The following PRKAR1B variants were observed in gnomAD, a reference collection of about 807,000 sequenced individuals.
PRKAR1B encodes the protein protein kinase cAMP-dependent type I regulatory subunit beta.
A neutral mutation model predicts 46.5 loss-of-function variants in PRKAR1B; 22 were observed. The observed-to-expected ratio is 0.47, with a 90% CI of 0.34 to 0.68. The LOEUF (loss-of-function observed/expected upper bound fraction) is 0.68. PRKAR1B is among the 30% of genes least tolerant of loss of function. The pLI is 0.01. For synonymous variants in PRKAR1B, 259 were observed against 217.7 expected, an observed-to-expected ratio of 1.19 and a Z score of -1.67; for missense variants, 445 against 535.6, an observed-to-expected ratio of 0.83 and a Z score of 1.67.
At chr7:626,246 C>T (rs1053731631) in intron 4 of PRKAR1B, among the ~76,000 whole-genome samples, 1 of 152,242 alleles carries the variant, frequency 6.6e-6, no homozygotes, top group South Asian at 2.1e-4. Flanking sequence ...AATCCCAGCA[C>T]TTTTAGAGGC....
chr7:718,119 C>T (rs1056347744), intron 1 of PRKAR1B, among the ~76,000 whole-genome samples: 1 of 151,982 alleles, frequency 6.6e-6, no homozygotes, highest in African/African-American at 2.4e-5. Flanking sequence ...GGAACGGTCC[C>T]TTCCTCAGTC....
intron 4 of PRKAR1B, among the ~76,000 whole-genome samples, chr7:608,634 GCCTCC>G: frequency 1.9e-5 from 1 of 52,270 alleles, no homozygotes; most frequent in African/African-American, 5.6e-5. Flanking sequence ...GGGCTGGGGG[GCCTCC>G]ACTGTCCTCC....
intron 1 of PRKAR1B, among the ~76,000 whole-genome samples, chr7:724,609 C>T (rs976736085): frequency 6.6e-6 from 1 of 152,198 alleles, no homozygotes; most frequent in African/African-American, 2.4e-5. Context: ...TGGACTAATA[C>T]ACTGTGTTTA....
intron 9 of PRKAR1B, among the ~76,000 whole-genome samples, chr7:559,636 C>T (rs1778663452): frequency 6.6e-6 from 1 of 152,180 alleles, no homozygotes; most frequent in African/African-American, 2.4e-5. Flanking sequence ...CCCATCTCTT[C>T]CTATGCGGGA....
chr7:672,157 GT>G lies in PRKAR1B; in HGVS notation c.440+5071del, dbSNP rs796922729. 2.2e-3 allele frequency among the ~76,000 whole-genome samples: 327 copies of G among 146,176 alleles called. 2 individuals carry two copies. Among genetic ancestry groups the G allele is most frequent in the African/African-American group, 7.5e-3 (301 of 40,118 alleles). On this transcript the variant is annotated intron_variant, in intron 4 of 10. Transcript: ENST00000537384. ...TCTTAAATTCTGTGGAACCGAATTTGTTTTTTTTTTTAAGATGGAGTCTCGC... is the reference window on the plus strand; with the variant it reads ...TCTTAAATTCTGTGGAACCGAATTTGTTTTTTTTTTAAGATGGAGTCTCGC...
At chr7:634,244 G>A (rs1018978732) in intron 4 of PRKAR1B, among the ~76,000 whole-genome samples, 8 of 151,792 alleles carry the variant, frequency 5.3e-5, no homozygotes, top group South Asian at 2.1e-4. Context: ...GGCTGGTCTC[G>A]AACTCCTGAC....
chr7:588,699 ATGGTGATGG>A (rs1780771367), intron 7 of PRKAR1B, among the ~76,000 whole-genome samples: 1 of 3,090 alleles, frequency 3.2e-4, no homozygotes, highest in African/African-American at 1.1e-3. Context: ...GATGGTGGTG[ATGGTGATGG>A]TGATGGTGGT....
At chr7:662,240 C>CA in intron 4 of PRKAR1B, among the ~76,000 whole-genome samples, 2 of 115,242 alleles carry the variant, frequency 1.7e-5, no homozygotes, top group Non-Finnish European at 3.6e-5. Flanking sequence ...ACCTACTCTC[C>CA]CCCACATGGC....
chr7:673,088 A>G (rs1433401591), intron 4 of PRKAR1B, among the ~76,000 whole-genome samples: 1 of 140,688 alleles, frequency 7.1e-6, no homozygotes, highest in Non-Finnish European at 1.5e-5. Context: ...ACACACACAC[A>G]CAGAATGGAC....
chr7:675,359 C>A (rs1171350877), intron 4 of PRKAR1B, among the ~76,000 whole-genome samples: 1 of 152,196 alleles, frequency 6.6e-6, no homozygotes, highest in African/African-American at 2.4e-5. Flanking sequence ...ACACACAGGG[C>A]GGCTGGAGCC....
chr7:684,875 GACACAC>G (rs142305067), intron 2 of PRKAR1B, among the ~76,000 whole-genome samples: 2 of 145,512 alleles, frequency 1.4e-5, no homozygotes, highest in African/African-American at 5.1e-5. Flanking sequence ...ACTTCACACA[GACACAC>G]ACACACACAC....
At chr7:592,186 G>A (rs1781015358) in intron 7 of PRKAR1B, among the ~76,000 whole-genome samples, 1 of 152,192 alleles carries the variant, frequency 6.6e-6, no homozygotes, top group Non-Finnish European at 1.5e-5. Flanking sequence ...CTGCCTCAGA[G>A]CTCCTGAGCC....
chr7:576,894 C>A (rs1399094292), intron 9 of PRKAR1B, among the ~76,000 whole-genome samples: 1 of 152,204 alleles, frequency 6.6e-6, no homozygotes. Flanking sequence ...CACTTCCTTC[C>A]CGCAGGCTCT....
At chr7:613,689 A>T (rs1223092445) in intron 4 of PRKAR1B, among the ~76,000 whole-genome samples, 1 of 152,234 alleles carries the variant, frequency 6.6e-6, no homozygotes. Flanking sequence ...CCACCGACCA[A>T]CACGGTACAC....
chr7:697,946 G>A (rs1209674751), intron 2 of PRKAR1B, among the ~76,000 whole-genome samples: 3 of 91,476 alleles, frequency 3.3e-5, no homozygotes, highest in Admixed American at 1.0e-4. Flanking sequence ...GGGAAGGGAC[G>A]GGAGGGAAGG....
At position 559,590 on chromosome 7, in the gene PRKAR1B, G is replaced by A. The variant is rs551804558; in HGVS notation, c.892-8120C>T. On this transcript the variant is annotated intron_variant, in intron 9 of 10. Transcript: ENST00000537384. ...GTGCTCATAGCCCAGACCAGAGACC[G>A]TCTGGACACCCCCCGGGAGGAGACA... 5.3e-5 allele frequency among the ~76,000 whole-genome samples: 8 copies of A among 152,308 alleles called. No individual in the cohort carries two copies. In the South Asian group the frequency reaches 8.3e-4, roughly 16 times the overall value.
chr7:680,823 T>C (rs1778639034), intron 2 of PRKAR1B, 97 bp from the exon 3 acceptor site: 2 of 1,387,758 alleles, frequency 1.4e-6, no homozygotes, highest in Admixed American at 4.3e-5. Context: ...GTGGGAGGAC[T>C]AGTGGGAGGA....
chr7:567,742 G>A (rs1016075317), intron 9 of PRKAR1B, among the ~76,000 whole-genome samples: 4 of 152,230 alleles, frequency 2.6e-5, no homozygotes, highest in African/African-American at 7.2e-5. Context: ...GATGGCCCTT[G>A]AGGACACTAT....
chr7:658,612 T>A (rs1393544700), intron 4 of PRKAR1B, among the ~76,000 whole-genome samples: 1 of 152,208 alleles, frequency 6.6e-6, no homozygotes, highest in African/African-American at 2.4e-5. Flanking sequence ...CCACTCTTCT[T>A]TCATATACTT....
Sources: gnomAD v4.1 joint callset for allele counts (sites outside exome capture counted in the v4.1 genomes callset) on GRCh38, gnomAD v4.1.1 for gene constraint, MANE v1.5 for transcripts, NCBI Gene and HGNC (gene_info 2026-07-23, HGNC 2026-07-21) for gene names.